The following CNN2 variants were observed in gnomAD, a reference collection of about 807,000 sequenced individuals.
The protein encoded by CNN2 is calponin-2.
Under a neutral mutation model 31.0 loss-of-function variants are expected in CNN2, and 21 were observed. That is an observed-to-expected ratio of 0.68 (90% confidence interval 0.48 to 0.98). The LOEUF (loss-of-function observed/expected upper bound fraction) is 0.98. Among genes scored for constraint, CNN2 ranks in the 50% least tolerant of loss-of-function variants. The pLI, the probability that CNN2 is intolerant of heterozygous loss-of-function variation, is 0.00. For synonymous variants in CNN2, 165 were observed against 179.6 expected (o/e 0.92, Z 0.65); for missense variants, 399 against 427.3 (o/e 0.93, Z 0.58).
intron 2 of CNN2, among the ~76,000 whole-genome samples, chr19:1,031,675 CAT>C: frequency 6.8e-6 from 1 of 147,130 alleles, no homozygotes; most frequent in Non-Finnish European, 1.5e-5. Flanking sequence ...AGTGCAGTGG[CAT>C]GATCTCGGCT....
chr19:1,032,493 T>TGGGGGCCCATCTAACAGGTGGGGAGAC, intron 3 of CNN2, 35 bp downstream of exon 3: 1 of 1,613,596 alleles, frequency 6.2e-7, no homozygotes, highest in South Asian at 1.1e-5. Context: ...GGGATGGTGC[T>TGGGGGCCCATCTAACAGGTGGGGAGAC]GGGGGCCCAT....
chr19:1,028,495 C>T (rs1478427604), intron 1 of CNN2, among the ~76,000 whole-genome samples: 1 of 152,154 alleles, frequency 6.6e-6, no homozygotes, highest in Non-Finnish European at 1.5e-5. Context: ...GACCCGCCCC[C>T]CGCCCCGCTT....
intron 1 of CNN2, among the ~76,000 whole-genome samples, chr19:1,029,048 GCTCA>G: frequency 1.3e-5 from 2 of 149,606 alleles, no homozygotes; most frequent in African/African-American, 4.9e-5. Context: ...GGCAGGTCCA[GCTCA>G]GGGGACCCTA....
At position 1,038,207 on chromosome 19, in the gene CNN2, T is replaced by G; in HGVS notation, c.*307T>G. ...GAGACCTGGGCTTGGAAGGAACCGG[T>G]CCCCGACGGTTTCTGCTTGCCTCGC... On this transcript the variant is annotated 3_prime_UTR_variant, in exon 7 of 7. Coordinates refer to ENST00000263097, the MANE Select transcript of CNN2 (RefSeq NM_004368.4). The G allele has an allele frequency of 3.1e-6, 1 of 327,446 alleles. No individual in the cohort carries two copies. The highest frequency in any genetic ancestry group is 5.6e-6 in the Non-Finnish European group (1 of 179,814). 20.3% of individuals were successfully genotyped at this position (327,446 alleles called of 1,614,324 possible).
At chr19:1,028,885 G>C (rs2039443499) in intron 1 of CNN2, among the ~76,000 whole-genome samples, 1 of 152,214 alleles carries the variant, frequency 6.6e-6, no homozygotes, top group Admixed American at 6.5e-5. Context: ...GGAAAGCCAA[G>C]CTGGGTGGGC....
Position 1,031,490 on chromosome 19 carries a change from G to A in CNN2, c.185+298G>A, listed in dbSNP as rs149778056. 6.3e-3 allele frequency among the ~76,000 whole-genome samples: 896 copies of A among 141,916 alleles called. 6 individuals carry two copies. Among genetic ancestry groups the A allele is most frequent in the Middle Eastern group, 0.026 (7 of 268 alleles). 93.1% of individuals were successfully genotyped at this position (141,916 alleles called of 152,430 possible). On this transcript the variant is annotated intron_variant, in intron 2 of 6. Coordinates refer to ENST00000263097, the MANE Select transcript of CNN2 (RefSeq NM_004368.4). ...TGAGGAAGGAGAATTGCTTGAACCC[G>A]GGAGGCGGAGGTTGCAGTGAGCCGA...
At chr19:1,029,997 C>G (rs138182914) in intron 1 of CNN2, among the ~76,000 whole-genome samples, 27 of 152,266 alleles carry the variant, frequency 1.8e-4, no homozygotes, top group African/African-American at 6.0e-4. Context: ...CCGCACCCAG[C>G]CCAAACCCTA....
At chr19:1,030,049 C>T (rs1182744681) in intron 1 of CNN2, among the ~76,000 whole-genome samples, 3 of 152,166 alleles carry the variant, frequency 2.0e-5, no homozygotes, top group African/African-American at 7.2e-5. Context: ...TCCCGCTACA[C>T]GACCTGCCCC....
Position 1,037,860 on chromosome 19 carries a change from C to G in CNN2, c.890C>G (p.Pro297Arg). 1 of 1,601,568 alleles carries G rather than the reference C, an allele frequency of 6.2e-7. No individual in the cohort carries two copies. ...GACTGCCCGGACCCGGGGGAGGTCC[C>G]TGAATATCCCCCTTACTACCAGGAG... ...TGDCPDPGEV[P>R]EYPPYYQEEA... Residue 297 changes from proline to arginine, a missense_variant, in exon 7 of 7, where the codon CCT (proline) becomes CGT (arginine). Physicochemically the swap from Pro to Arg is moderately radical, Grantham distance 103. Transcript: ENST00000263097.
intron 1 of CNN2, 44 bp downstream of exon 1, chr19:1,026,768 G>T: frequency 1.3e-6 from 2 of 1,533,166 alleles, no homozygotes; most frequent in Non-Finnish European, 1.8e-6. Flanking sequence ...CGCGGCCGTC[G>T]CACGCTCCGA....
chr19:1,026,779 C>T, intron 1 of CNN2, 55 bp downstream of exon 1: 2 of 1,519,986 alleles, frequency 1.3e-6, no homozygotes, highest in African/African-American at 1.4e-5. Context: ...CACGCTCCGA[C>T]CGGTGCAGGA....
intron 2 of CNN2, among the ~76,000 whole-genome samples, chr19:1,031,770 A>G (rs1353225554): frequency 6.8e-6 from 1 of 148,142 alleles, no homozygotes; most frequent in Non-Finnish European, 1.5e-5. Flanking sequence ...GACTGCCACC[A>G]TGCCCGGCTA....
At chr19:1,036,385 A>G in intron 5 of CNN2, 31 bp from the exon 6 acceptor site, 1 of 1,610,126 alleles carries the variant, frequency 6.2e-7, no homozygotes, top group Non-Finnish European at 8.5e-7. Flanking sequence ...TGTTGGGTGC[A>G]GTCTGACCTC....
intron 2 of CNN2, among the ~76,000 whole-genome samples, chr19:1,031,585 A>T (rs1232247784): frequency 1.6e-5 from 2 of 126,610 alleles, no homozygotes; most frequent in Non-Finnish European, 3.5e-5. Flanking sequence ...AAAAAAAAAA[A>T]AAAAAGTTAG....
intron 1 of CNN2, 22 bp from the exon 2 acceptor site, chr19:1,031,049 C>G (rs760928822): frequency 1.2e-6 from 2 of 1,608,152 alleles, no homozygotes; most frequent in Non-Finnish European, 1.7e-6. Flanking sequence ...CCAGCTCAGT[C>G]TCGTGCCCTT....
Position 1,037,966 on chromosome 19 carries a change from CAT to C in CNN2, c.*67_*68del, listed in dbSNP as rs2039626193. The C allele has an allele frequency of 7.4e-7, 1 of 1,348,978 alleles. No homozygotes were observed. The allele number at this position is 1,348,978 out of a possible 1,614,324, so 83.6% of individuals were successfully genotyped here. ...GGGTTTTTGGGTTTTTCTGTGTTTT[CAT>C]CTTTTTTTTTTTTTTCTTAACCCGT... On this transcript the variant is annotated 3_prime_UTR_variant, in exon 7 of 7. Transcript: ENST00000263097.
intron 2 of CNN2, 72 bp from the exon 3 acceptor site, chr19:1,032,320 G>C: frequency 6.3e-7 from 1 of 1,581,920 alleles, no homozygotes; most frequent in South Asian, 1.1e-5. Flanking sequence ...GCTGAGATCA[G>C]CATCGGGTCT....
rs1394127727 is a variant in CNN2 at position 1,037,610 on chromosome 19, C to G, written c.655-15C>G. ...CTCTCCACCATGACCTGCTCCACCC[C>G]TCCTTCCTCTCCAGGTGGGCATGAC... On this transcript the variant is annotated splice_polypyrimidine_tract_variant and intron_variant, in intron 6 of 6. Transcript: ENST00000263097. 6.4e-7 allele frequency: 1 copy of G among 1,571,240 alleles called. No individual in the cohort carries two copies. The highest frequency in any genetic ancestry group is 8.6e-7 in the Non-Finnish European group (1 of 1,158,120).
At chr19:1,035,325 G>C (rs1016233977) in intron 4 of CNN2, among the ~76,000 whole-genome samples, 1 of 152,108 alleles carries the variant, frequency 6.6e-6, no homozygotes. Context: ...ATTGGAATTG[G>C]CTGGGCTGTT....
Sources: allele counts gnomAD v4.1 joint callset (sites outside exome capture counted in the v4.1 genomes callset), GRCh38; gene constraint gnomAD v4.1.1; transcripts MANE v1.5; gene names NCBI Gene and HGNC (gene_info 2026-07-23, HGNC 2026-07-21).